Variants in SCN11A observed in about 807,000 individuals in gnomAD.
SCN11A encodes the protein sodium channel protein type 11 subunit alpha.
A neutral mutation model predicts 162.2 loss-of-function variants in SCN11A; 122 were observed. The ratio of observed to expected loss-of-function variants is 0.75; its 90% confidence interval spans 0.65 to 0.87. The LOEUF is 0.87. Ranked by LOEUF, SCN11A falls within the 40% of genes least tolerant of loss-of-function variation. The probability of loss-of-function intolerance (pLI) is 0.00; values close to 1 mark genes in which losing one functional copy is unlikely to be tolerated. For missense variants in SCN11A, 2,015 were observed against 2,181.6 expected (o/e 0.92, Z 1.52); for synonymous variants, 758 against 751.5 (o/e 1.01, Z -0.14).
intron 1 of SCN11A, among the ~76,000 whole-genome samples, chr3:39,042,992 A>G (rs1489116093): frequency 7.7e-6 from 1 of 130,184 alleles, no homozygotes; most frequent in Non-Finnish European, 1.6e-5. Flanking sequence ...AAAAGAAAAA[A>G]GAAATGAGCA....
At chr3:38,978,902 A>C (rs2029895813) in intron 2 of SCN11A, among the ~76,000 whole-genome samples, 1 of 151,874 alleles carries the variant, frequency 6.6e-6, no homozygotes, top group African/African-American at 2.4e-5. Context: ...TGCACATGCC[A>C]CTCGACCTAA....
chr3:38,908,958 C>T (rs370326996), intron 13 of SCN11A, 39 bp downstream of exon 13: 5 of 1,597,978 alleles, frequency 3.1e-6, no homozygotes, highest in Non-Finnish European at 4.3e-6. Context: ...CCCTTCCCCT[C>T]CCCAGAGCAG....
At chr3:38,898,905 C>T (rs554578327) in intron 17 of SCN11A, among the ~76,000 whole-genome samples, 1 of 152,118 alleles carries the variant, frequency 6.6e-6, no homozygotes, top group East Asian at 1.9e-4. Context: ...TGCATTAGAG[C>T]CTGGCTGTAA....
At chr3:39,013,886 T>C (rs908528145) in intron 2 of SCN11A, among the ~76,000 whole-genome samples, 2 of 152,244 alleles carry the variant, frequency 1.3e-5, no homozygotes, top group Non-Finnish European at 2.9e-5. Flanking sequence ...AAAGTCTTTG[T>C]GCAAAACCAC....
intron 2 of SCN11A, among the ~76,000 whole-genome samples, chr3:38,970,462 T>C (rs2066810037): frequency 6.6e-6 from 1 of 152,354 alleles, no homozygotes; most frequent in South Asian, 2.1e-4. Flanking sequence ...GAATTAAAGG[T>C]AACTTTCTCT....
At chr3:38,937,333 C>T (rs1438261167) in intron 7 of SCN11A, among the ~76,000 whole-genome samples, 4 of 147,974 alleles carry the variant, frequency 2.7e-5, no homozygotes, top group East Asian at 2.0e-4. Flanking sequence ...ATGTCTAAAA[C>T]ACCAAAAGCA....
At chr3:38,942,526 TAATC>T (rs1179165472) in intron 7 of SCN11A, among the ~76,000 whole-genome samples, 1 of 152,076 alleles carries the variant, frequency 6.6e-6, no homozygotes, top group African/African-American at 2.4e-5. Context: ...AATTAGATAA[TAATC>T]AGACAACCAG....
chr3:38,886,246 A>G lies in SCN11A; in HGVS notation c.2836-8T>C. On this transcript the variant is annotated splice_polypyrimidine_tract_variant and splice_region_variant and intron_variant, in intron 19 of 29. Coordinates refer to ENST00000302328, the MANE Select transcript of SCN11A (RefSeq NM_001349253.2). ...CTGATGGAGCTCATAGGCCTAACAC[A>G]GAGAGCCCAGAATAGAATTAATATT... 2 of 1,563,566 alleles carry G rather than the reference A, an allele frequency of 1.3e-6. No homozygotes were observed. Among genetic ancestry groups the G allele is most frequent in the South Asian group, 1.1e-5 (1 of 89,466 alleles).
intron 28 of SCN11A, among the ~76,000 whole-genome samples, chr3:38,860,055 C>T (rs995340586): frequency 2.0e-5 from 3 of 152,072 alleles, no homozygotes; most frequent in African/African-American, 7.2e-5. Flanking sequence ...CTGCCTCAAC[C>T]AGTTCTGCCA....
At chr3:38,953,925 C>T (rs1194813468) in intron 3 of SCN11A, among the ~76,000 whole-genome samples, 166 bp from the exon 4 acceptor site, 1 of 152,108 alleles carries the variant, frequency 6.6e-6, no homozygotes, top group Admixed American at 6.6e-5. Context: ...ATTACTTAAA[C>T]GAGTTCAATA....
intron 2 of SCN11A, among the ~76,000 whole-genome samples, chr3:39,023,225 G>C (rs1343422587): frequency 6.7e-6 from 1 of 149,896 alleles, no homozygotes; most frequent in African/African-American, 2.4e-5. Flanking sequence ...TTGATGCTAG[G>C]TGGTGGACCA....
In SCN11A at chr3:38,867,405, T is replaced by C; in HGVS notation, c.3867A>G (p.Val1289=). 2 of 1,613,044 alleles carry C rather than the reference T, an allele frequency of 1.2e-6. No homozygotes were observed. ...AGAATGAGCCAAAGATGATAAAGAC[T>C]ACGAAGTAAATGTAACCGAGTGAAT... is the stretch of plus-strand genomic sequence containing the variant. ...ESNSLGYIYF[V]VFIIFGSFFT... The change falls in exon 27 of 30, where the codon GTA becomes GTG. Residue 1289 remains valine (V), a synonymous_variant. Coordinates refer to ENST00000302328, the MANE Select transcript of SCN11A (RefSeq NM_001349253.2).
intron 11 of SCN11A, among the ~76,000 whole-genome samples, chr3:38,919,460 A>G (rs941508366): frequency 2.0e-5 from 3 of 152,220 alleles, no homozygotes; most frequent in African/African-American, 7.2e-5. Context: ...TCCCCATTGG[A>G]GCAGAGGGCC....
chr3:38,907,000 G>A (rs973483062), intron 14 of SCN11A, among the ~76,000 whole-genome samples: 1 of 151,876 alleles, frequency 6.6e-6, no homozygotes, highest in African/African-American at 2.4e-5. Flanking sequence ...TCGCTTCTAG[G>A]CTTTTGCACA....
Position 38,921,158 on chromosome 3 carries a change from T to C in SCN11A, c.810A>G (p.Val270=). The part of the protein sequence containing the change: ...TFFCLSIFAL[V]GQQLFMGSLN... The stretch of plus-strand genomic sequence containing the variant: ...GACTTCCCATGAAGAGCTGCTGACC[T>C]ACCAGGGCAAAGATGCTGAGGCAAA... Residue 270 remains valine (V), a synonymous_variant, in exon 10 of 30, where the codon GTA becomes GTG. Transcript: ENST00000302328. The C allele has an allele frequency of 6.2e-7, 1 of 1,614,098 alleles. No homozygotes were observed. The highest frequency in any genetic ancestry group is 8.5e-7 in the Non-Finnish European group (1 of 1,179,946).
At chr3:39,031,534 C>CAAAAA (rs71622553) in intron 2 of SCN11A, among the ~76,000 whole-genome samples, 5 of 121,934 alleles carry the variant, frequency 4.1e-5, no homozygotes, top group Non-Finnish European at 6.8e-5. Flanking sequence ...AAACAAAAAA[C>CAAAAA]AAACAAACAA....
At chr3:38,969,617 G>C (rs2066804308) in intron 2 of SCN11A, among the ~76,000 whole-genome samples, 1 of 152,218 alleles carries the variant, frequency 6.6e-6, no homozygotes, top group South Asian at 2.1e-4. Context: ...ATTGCCTTGT[G>C]ATGCTCCCTG....
Position 38,870,677 on chromosome 3 carries a change from G to T in SCN11A, c.3813+14C>A. ...GACCATAACACTCCAGAACATGGTA[G>T]AACACTGACTCACCTCTGTGGAATC... On this transcript the variant is annotated intron_variant, in intron 26 of 29. Coordinates refer to ENST00000302328, the MANE Select transcript of SCN11A (RefSeq NM_001349253.2). 1 of 1,610,282 alleles carries T rather than the reference G, an allele frequency of 6.2e-7. No homozygotes were observed. Among genetic ancestry groups the T allele is most frequent in the Non-Finnish European group, 8.5e-7 (1 of 1,176,636 alleles).
intron 3 of SCN11A, among the ~76,000 whole-genome samples, chr3:38,956,205 AT>A (rs778777706): frequency 7.8e-4 from 118 of 152,250 alleles, no homozygotes; most frequent in Non-Finnish European, 1.3e-3. Context: ...AGACTGAGCC[AT>A]TGTACTCCAG....
Sources: gnomAD v4.1 joint callset for allele counts (sites outside exome capture counted in the v4.1 genomes callset) on GRCh38, gnomAD v4.1.1 for gene constraint, MANE v1.5 for transcripts, NCBI Gene and HGNC (gene_info 2026-07-23, HGNC 2026-07-21) for gene names.